The following EPHA4 variants were observed in gnomAD, a reference collection of about 807,000 sequenced individuals.
EPHA4 encodes the protein ephrin type-A receptor 4.
Under a neutral mutation model 108.3 loss-of-function variants are expected in EPHA4, and 19 were observed. The observed-to-expected ratio is 0.18, with a 90% CI of 0.12 to 0.26. EPHA4 has a LOEUF of 0.26. Ranked by LOEUF, EPHA4 falls within the 10% of genes least tolerant of loss-of-function variation. The pLI, the probability that EPHA4 is intolerant of heterozygous loss-of-function variation, is 1.00. For missense variants in EPHA4, 917 were observed against 1,254.0 expected (o/e 0.73, Z 4.06); for synonymous variants, 449 against 455.5 (o/e 0.99, Z 0.18).
intron 3 of EPHA4, among the ~76,000 whole-genome samples, chr2:221,558,087 GA>G (rs1395746346): frequency 3.9e-5 from 6 of 152,146 alleles, no homozygotes; most frequent in Non-Finnish European, 7.3e-5. Context: ...CAATGAAGGA[GA>G]ATTAAGAAAA....
intron 3 of EPHA4, among the ~76,000 whole-genome samples, chr2:221,506,270 A>G (rs1422264906): frequency 3.9e-5 from 6 of 152,236 alleles, no homozygotes; most frequent in Non-Finnish European, 7.3e-5. Context: ...TAGTTCTTCA[A>G]TAAATTTTTC....
At chr2:221,545,423 T>C (rs752903263) in intron 3 of EPHA4, among the ~76,000 whole-genome samples, 10 of 151,918 alleles carry the variant, frequency 6.6e-5, no homozygotes, top group Non-Finnish European at 1.2e-4. Context: ...GAGCCGAGAC[T>C]GCACCACTGC....
intron 4 of EPHA4, among the ~76,000 whole-genome samples, chr2:221,500,289 A>G (rs1692451001): frequency 6.6e-6 from 1 of 152,142 alleles, no homozygotes; most frequent in Non-Finnish European, 1.5e-5. Context: ...CCCTCCAAGC[A>G]CAGATTCACC....
intron 15 of EPHA4, among the ~76,000 whole-genome samples, chr2:221,428,051 G>A (rs1021019692): frequency 6.6e-6 from 1 of 151,994 alleles, no homozygotes; most frequent in African/African-American, 2.4e-5. Flanking sequence ...TTTCAATTTT[G>A]AGTCAACAAC....
chr2:221,540,904 C>A (rs930041885), intron 3 of EPHA4, among the ~76,000 whole-genome samples: 17 of 149,476 alleles, frequency 1.1e-4, no homozygotes, highest in African/African-American at 3.7e-4. Context: ...AGGGCCAATT[C>A]AGTGTCCAAA....
In EPHA4 at chr2:221,564,351, C is replaced by T. The variant is rs1419977273; in HGVS notation, c.203G>A (p.Arg68Gln). ...SIMDEKNTPI[R>Q]TYQVCNVMEP... ...CATCACATTGCACACTTGGTAGGTT[C>T]GGATTGGTGTATTTTTTTCATCCAT... The change falls in exon 3 of 18, where the codon CGA becomes CAA. Residue 68 changes from arginine (R) to glutamine (Q), a missense_variant. This residue lies in a region of EPHA4 where 758 missense variants were observed against 1,076.7 expected (regional missense o/e 0.70). Transcript: ENST00000281821. 6.2e-7 allele frequency: 1 copy of T among 1,613,548 alleles called. No individual in the cohort carries two copies. Among genetic ancestry groups the T allele is most frequent in the African/African-American group, 1.3e-5 (1 of 74,992 alleles).
intron 5 of EPHA4, among the ~76,000 whole-genome samples, chr2:221,472,741 G>A (rs1455246585): frequency 6.6e-6 from 1 of 152,088 alleles, no homozygotes; most frequent in African/African-American, 2.4e-5. Flanking sequence ...AGCAAGAATA[G>A]AATAGTAATA....
chr2:221,524,674 C>T (rs1693270080), intron 3 of EPHA4, among the ~76,000 whole-genome samples: 1 of 152,186 alleles, frequency 6.6e-6, no homozygotes, highest in Non-Finnish European at 1.5e-5. Context: ...ACATAAGGTG[C>T]AAATATGCTT....
intron 15 of EPHA4, among the ~76,000 whole-genome samples, chr2:221,429,122 G>C (rs1455584212): frequency 6.6e-6 from 1 of 152,114 alleles, no homozygotes; most frequent in Non-Finnish European, 1.5e-5. Flanking sequence ...TCGCAGGCCT[G>C]AGTCACCTGG....
rs1694839978 is a variant in EPHA4, at chr2:221,571,583, G to A, written c.91+575C>T. Among the ~76,000 whole-genome samples the A allele has an allele frequency of 6.6e-6, 1 of 152,170 alleles. No homozygotes were observed. The highest frequency in any genetic ancestry group is 6.5e-5 in the Admixed American group (1 of 15,292). ...CTCGGGGCGCTGGGCTTGGCGAGGA[G>A]AAAGGTGTCTGACTCCGGGTGCTAG... On this transcript the variant is annotated intron_variant, in intron 1 of 17. Transcript: ENST00000281821. This position sits in a 1 kb window ranked among gnomAD's most constrained non-coding sequence, Gnocchi z 6.3.
rs879102968 is a variant in EPHA4 at position 221,572,078 on chromosome 2, T to G, written c.91+80A>C. 2.5e-6 allele frequency: 3 copies of G among 1,182,704 alleles called. No homozygotes were observed. The African/African-American group carries it at 4.5e-5, about 18-fold the overall frequency. The allele number at this position is 1,182,704 out of a possible 1,614,324, so 73.3% of individuals were successfully genotyped here. A position where few individuals can be genotyped will look rare whatever the true frequency, so the allele number is the denominator to read the frequency against. On this transcript the variant is annotated intron_variant, in intron 1 of 17. Transcript: ENST00000281821. ...CACACTGGGCTCCCCCCGCACCACC[T>G]GGCCCTGCGCTCCTGAGGACCCCTC...
At chr2:221,449,456 A>C (rs760135623) in intron 8 of EPHA4, among the ~76,000 whole-genome samples, 1 of 152,232 alleles carries the variant, frequency 6.6e-6, no homozygotes, top group Non-Finnish European at 1.5e-5. Context: ...CAAGCTGATT[A>C]AAACTGGGAA....
intron 17 of EPHA4, among the ~76,000 whole-genome samples, chr2:221,422,446 C>T (rs1004159023): frequency 2.0e-5 from 3 of 152,172 alleles, no homozygotes; most frequent in African/African-American, 4.8e-5. Context: ...TTTCAGTCTG[C>T]CAATTCCTTC....
At chr2:221,564,763 G>C (rs926956941) in intron 2 of EPHA4, among the ~76,000 whole-genome samples, 1 of 151,668 alleles carries the variant, frequency 6.6e-6, no homozygotes, top group African/African-American at 2.4e-5. Context: ...AACTAGTATG[G>C]GTATTGTTTC....
intron 5 of EPHA4, among the ~76,000 whole-genome samples, chr2:221,461,228 C>T (rs867728438): frequency 1.3e-5 from 2 of 152,162 alleles, no homozygotes; most frequent in Admixed American, 6.5e-5. Flanking sequence ...AATATCTCAT[C>T]GGTGTGTTCC....
At chr2:221,568,660 G>T in intron 2 of EPHA4, 58 bp downstream of exon 2, 1 of 1,429,372 alleles carries the variant, frequency 7.0e-7, no homozygotes, top group South Asian at 1.2e-5. Context: ...AGGACTCTCA[G>T]AAAGTTGCTA....
intron 3 of EPHA4, among the ~76,000 whole-genome samples, chr2:221,548,222 C>T (rs191425666): frequency 2.0e-3 from 298 of 152,172 alleles, no homozygotes; most frequent in Non-Finnish European, 1.9e-3. Context: ...CCAGGCGTGG[C>T]GCCGCATGCC....
chr2:221,490,267 AAAAAG>A (rs1171979743), intron 4 of EPHA4, among the ~76,000 whole-genome samples: 1 of 151,892 alleles, frequency 6.6e-6, no homozygotes, highest in Admixed American at 6.6e-5. Flanking sequence ...GTAAAAAAAA[AAAAAG>A]AAAAGAAAGA....
At chr2:221,559,584 T>C (rs548044195) in intron 3 of EPHA4, among the ~76,000 whole-genome samples, 90 of 152,084 alleles carry the variant, frequency 5.9e-4, no homozygotes, top group Admixed American at 1.3e-3. Context: ...TAAAAAAAAA[T>C]TTAATGGAAT....
Sources: allele counts gnomAD v4.1 joint callset (sites outside exome capture counted in the v4.1 genomes callset), GRCh38; gene constraint gnomAD v4.1.1; regional missense constraint gnomAD v4.1.1; non-coding constraint Gnocchi (gnomAD v3.1); transcripts MANE v1.5; gene names NCBI Gene and HGNC (gene_info 2026-07-23, HGNC 2026-07-21).